The following INPP4B variants were observed in gnomAD, a reference collection of about 807,000 sequenced individuals.
INPP4B encodes inositol polyphosphate 4-phosphatase type II.
A neutral mutation model predicts 122.5 loss-of-function variants in INPP4B; 55 were observed. The ratio of observed to expected loss-of-function variants is 0.45; its 90% CI spans 0.36 to 0.56. The LOEUF is 0.56. Ranked by LOEUF, INPP4B falls within the 20% of genes least tolerant of loss-of-function variation. The pLI is 0.00. For synonymous variants in INPP4B, 403 were observed against 388.7 expected (o/e 1.04, Z -0.43); for missense variants, 1,000 against 1,097.7 (o/e 0.91, Z 1.26).
chr4:142,237,503 CAAGCGTGGCT>C (rs1404250474), intron 12 of INPP4B, among the ~76,000 whole-genome samples: 1 of 151,980 alleles, frequency 6.6e-6, no homozygotes, highest in Non-Finnish European at 1.5e-5. Context: ...AAATCATCTG[CAAGCGTGGCT>C]AAGAATTAAA....
chr4:142,053,674 C>A (rs2152404554), intron 25 of INPP4B, among the ~76,000 whole-genome samples: 1 of 152,120 alleles, frequency 6.6e-6, no homozygotes, highest in South Asian at 2.1e-4. Context: ...CAATTTTTCT[C>A]CAAGAAACCA....
chr4:142,166,558 A>T (rs945839686), intron 16 of INPP4B, among the ~76,000 whole-genome samples: 3 of 151,916 alleles, frequency 2.0e-5, no homozygotes, highest in African/African-American at 7.2e-5. Context: ...ATTATACTAA[A>T]GAGCTTCTGA....
intron 7 of INPP4B, among the ~76,000 whole-genome samples, chr4:142,330,515 A>G (rs1447594755): frequency 6.6e-6 from 1 of 152,182 alleles, no homozygotes; most frequent in Non-Finnish European, 1.5e-5. Flanking sequence ...GGATGCATAC[A>G]CACACGCATA....
chr4:142,195,041 C>A (rs1037241581), intron 14 of INPP4B, among the ~76,000 whole-genome samples: 9 of 152,138 alleles, frequency 5.9e-5, no homozygotes, highest in African/African-American at 1.9e-4. Context: ...ACAAAATATG[C>A]GGCATTTCTG....
intron 7 of INPP4B, among the ~76,000 whole-genome samples, chr4:142,329,914 G>C (rs1202238659): frequency 1.3e-5 from 2 of 152,034 alleles, no homozygotes; most frequent in Non-Finnish European, 2.9e-5. Context: ...GGGCAACACA[G>C]CCTATGAAGT....
intron 11 of INPP4B, among the ~76,000 whole-genome samples, chr4:142,258,898 T>G (rs1421618651): frequency 1.3e-5 from 2 of 152,124 alleles, no homozygotes; most frequent in Admixed American, 6.5e-5. Flanking sequence ...TAAAGACACA[T>G]GCACACATAT....
intron 8 of INPP4B, among the ~76,000 whole-genome samples, chr4:142,309,398 T>A (rs956741436): frequency 2.0e-5 from 3 of 152,192 alleles, no homozygotes; most frequent in Non-Finnish European, 4.4e-5. Context: ...ACTATGTAGT[T>A]ATGAATATTA....
At position 142,173,785 on chromosome 4, in the gene INPP4B, A is replaced by G; in HGVS notation, c.1206T>C (p.Tyr402=). The change falls in exon 16 of 26, where the codon TAT becomes TAC. Residue 402 remains tyrosine, a synonymous_variant. Coordinates refer to ENST00000262992, the MANE Select transcript of INPP4B (RefSeq NM_001101669.3). ...TTGCTTTGGCTGTGTTTTCAGGTGA[A>G]TAGTAAATAAACTGGTATCCGGTAC... ...RRNTGYQFIY[Y]SPENTAKAKE... The G allele has an allele frequency of 1.2e-6, 2 of 1,613,084 alleles. No individual in the cohort carries two copies. Among genetic ancestry groups the G allele is most frequent in the Non-Finnish European group, 8.5e-7 (1 of 1,179,302 alleles).
chr4:142,685,043 A>G (rs1759149925), intron 2 of INPP4B, among the ~76,000 whole-genome samples: 1 of 152,072 alleles, frequency 6.6e-6, no homozygotes, highest in East Asian at 1.9e-4. Flanking sequence ...GTAGATATTT[A>G]TTTTCTCTGA....
intron 22 of INPP4B, among the ~76,000 whole-genome samples, chr4:142,109,367 T>A (rs964319618): frequency 2.0e-5 from 3 of 152,138 alleles, no homozygotes. Flanking sequence ...CACCATGCAA[T>A]AAATGAAATG....
rs562113819 is a variant in INPP4B at position 142,111,061 on chromosome 4, C to A, written c.2276+1481G>T. On this transcript the variant is annotated intron_variant, in intron 22 of 25. Coordinates refer to ENST00000262992, the MANE Select transcript of INPP4B (RefSeq NM_001101669.3). ...ATCTCAAACATTGAATTTGCTGAGA[C>A]AAATATATATATAGATAAATAGAAT... Among the ~76,000 whole-genome samples the A allele has an allele frequency of 7.2e-5, 11 of 152,084 alleles. No homozygotes were observed. The East Asian group carries it at 2.1e-3, about 29-fold the overall frequency.
intron 7 of INPP4B, among the ~76,000 whole-genome samples, chr4:142,341,585 C>T (rs1170380248): frequency 6.6e-6 from 1 of 152,090 alleles, no homozygotes; most frequent in East Asian, 1.9e-4. Context: ...TAGGCAAGAC[C>T]TGTGATTTAC....
chr4:142,841,424 C>G lies in INPP4B; in HGVS notation c.-254+4785G>C, dbSNP rs144027011. ...ATGAATGAGAACCATTTTGAAAGAA[C>G]TAAAGGAAAGATTGCTATTGATGGT... On this transcript the variant is annotated intron_variant, in intron 1 of 25. Transcript: ENST00000262992. Among the ~76,000 whole-genome samples, 395 of 152,046 alleles carry G rather than the reference C, an allele frequency of 2.6e-3. 3 individuals carry two copies. Among genetic ancestry groups the G allele is most frequent in the African/African-American group, 9.2e-3 (384 of 41,534 alleles).
chr4:142,337,225 T>C (rs1353359504), intron 7 of INPP4B, among the ~76,000 whole-genome samples: 1 of 149,538 alleles, frequency 6.7e-6, no homozygotes, highest in Non-Finnish European at 1.5e-5. Flanking sequence ...CTCTTGATGG[T>C]TATTTAGGTT....
intron 1 of INPP4B, among the ~76,000 whole-genome samples, chr4:142,757,216 G>C (rs1012498654): frequency 6.6e-6 from 1 of 152,094 alleles, no homozygotes; most frequent in African/African-American, 2.4e-5. Context: ...ATTATCAACA[G>C]TCCAAGCTCA....
chr4:142,698,851 AG>A (rs1489817716), intron 2 of INPP4B, among the ~76,000 whole-genome samples: 1 of 152,168 alleles, frequency 6.6e-6, no homozygotes, highest in Non-Finnish European at 1.5e-5. Context: ...TATCATTTGG[AG>A]GAGCTGAAGG....
chr4:142,696,067 G>A (rs761163192), intron 2 of INPP4B, among the ~76,000 whole-genome samples: 21 of 152,132 alleles, frequency 1.4e-4, no homozygotes, highest in African/African-American at 4.1e-4. Flanking sequence ...AAAATGTTGA[G>A]TATTGACAAA....
chr4:142,398,101 C>T (rs1799946054), intron 7 of INPP4B, among the ~76,000 whole-genome samples: 2 of 150,970 alleles, frequency 1.3e-5, no homozygotes, highest in South Asian at 2.1e-4. Flanking sequence ...ACAGCCTGGG[C>T]GCGGTGGCTC....
chr4:142,281,245 T>A (rs753553440), intron 9 of INPP4B, among the ~76,000 whole-genome samples: 17 of 151,752 alleles, frequency 1.1e-4, no homozygotes, highest in Non-Finnish European at 2.5e-4. Context: ...GATAGATGAC[T>A]GGGAATACCT....
Sources: gnomAD v4.1 joint callset for allele counts (sites outside exome capture counted in the v4.1 genomes callset) on GRCh38, gnomAD v4.1.1 for gene constraint, MANE v1.5 for transcripts, NCBI Gene and HGNC (gene_info 2026-07-23, HGNC 2026-07-21) for gene names.